Variants in ATP8A1 observed in about 807,000 individuals in gnomAD.
ATP8A1 encodes phospholipid-transporting ATPase IA.
In ATP8A1, 90 loss-of-function variants were observed where a neutral mutation model predicts 177.7. That is an observed-to-expected ratio of 0.51 (90% CI 0.43 to 0.60). The LOEUF is 0.60. Ranked by LOEUF, ATP8A1 falls within the 20% of genes least tolerant of loss-of-function variation. The pLI is 0.00. For missense variants in ATP8A1, 1,072 were observed against 1,392.8 expected (o/e 0.77, Z 3.67); for synonymous variants, 493 against 485.9 (o/e 1.01, Z -0.19).
intron 33 of ATP8A1, among the ~76,000 whole-genome samples, chr4:42,424,196 T>G (rs1002719447): frequency 1.3e-5 from 2 of 151,990 alleles, no homozygotes; most frequent in Non-Finnish European, 2.9e-5. Flanking sequence ...AAAAGCCAAA[T>G]AAAAGTGTAT....
chr4:42,430,305 T>TC (rs142925269), intron 33 of ATP8A1, among the ~76,000 whole-genome samples: 33,128 of 151,942 alleles, frequency 0.22, 3,687 homozygotes, highest in Middle Eastern at 0.24. Flanking sequence ...TCCTGCCTGT[T>TC]CCCTGTACAT....
intron 23 of ATP8A1, among the ~76,000 whole-genome samples, chr4:42,505,612 T>TA (rs1296941152): frequency 6.6e-6 from 1 of 152,210 alleles, no homozygotes; most frequent in East Asian, 1.9e-4. Flanking sequence ...TACTAGTTTT[T>TA]AAAAAATAAA....
chr4:42,479,553 C>T (rs566378960), intron 25 of ATP8A1, among the ~76,000 whole-genome samples: 51 of 152,196 alleles, frequency 3.4e-4, no homozygotes, highest in South Asian at 1.7e-3. Context: ...GTCAGAGAAC[C>T]GTAAGCAATC....
chr4:42,568,339 G>A (rs551389526), intron 15 of ATP8A1, among the ~76,000 whole-genome samples: 6 of 152,114 alleles, frequency 3.9e-5, no homozygotes, highest in South Asian at 4.1e-4. Flanking sequence ...ATGTGGCTTC[G>A]TCACCAAATA....
chr4:42,508,331 G>A (rs1322745657), intron 22 of ATP8A1, among the ~76,000 whole-genome samples: 1 of 152,126 alleles, frequency 6.6e-6, no homozygotes, highest in Admixed American at 6.5e-5. Context: ...CACCATGTTA[G>A]CCAGGCTGGT....
intron 15 of ATP8A1, among the ~76,000 whole-genome samples, chr4:42,566,905 A>G (rs1731402519): frequency 6.6e-6 from 1 of 152,242 alleles, no homozygotes; most frequent in Admixed American, 6.5e-5. Context: ...TGAGAGCACC[A>G]GAACTAACAC....
At position 42,578,255 on chromosome 4, in the gene ATP8A1, T is replaced by C. The variant is rs1432068822; in HGVS notation, c.1128+5A>G. The C allele has an allele frequency of 2.5e-6, 4 of 1,589,826 alleles. No individual in the cohort carries two copies. The highest frequency in any genetic ancestry group is 2.3e-5 in the East Asian group (1 of 44,068). ...AGGGTGATAACAATCATAATTCATA[T>C]TTACCCAATTTATGAAGTATGCCTG... is the stretch of plus-strand genomic sequence containing the variant. On this transcript the variant is annotated splice_donor_5th_base_variant and intron_variant, in intron 12 of 36. Coordinates refer to ENST00000381668, the MANE Select transcript of ATP8A1 (RefSeq NM_006095.2).
At chr4:42,581,191 T>C (rs1208120798) in intron 10 of ATP8A1, among the ~76,000 whole-genome samples, 1 of 152,088 alleles carries the variant, frequency 6.6e-6, no homozygotes, top group Non-Finnish European at 1.5e-5. Flanking sequence ...TGGAGTACAG[T>C]GGCGCGATCT....
At chr4:42,587,310 C>CT (rs991848308) in intron 8 of ATP8A1, among the ~76,000 whole-genome samples, 1,452 of 137,382 alleles carry the variant, frequency 0.011, 8 homozygotes, top group East Asian at 0.024. Flanking sequence ...CTTTTCTTTT[C>CT]TTTTTTTTTT....
Position 42,600,535 on chromosome 4 carries a change from T to A in ATP8A1, c.410-17A>T. ...TTCTCAAAACTGGAAAGAGAAAAGG[T>A]GACATTTTAAACAACATGTTTTACT... On this transcript the variant is annotated splice_polypyrimidine_tract_variant and intron_variant, in intron 5 of 36. Transcript: ENST00000381668. The A allele has an allele frequency of 6.2e-7, 1 of 1,607,504 alleles. No homozygotes were observed. The highest frequency in any genetic ancestry group is 8.5e-7 in the Non-Finnish European group (1 of 1,177,596).
At chr4:42,565,224 T>C (rs927453662) in intron 15 of ATP8A1, among the ~76,000 whole-genome samples, 1 of 152,216 alleles carries the variant, frequency 6.6e-6, no homozygotes, top group Non-Finnish European at 1.5e-5. Flanking sequence ...TAAAGGCAAT[T>C]ACAAAAGAGG....
Position 42,574,605 on chromosome 4 carries a change from A to C in ATP8A1, c.1295+14T>G. On this transcript the variant is annotated intron_variant, in intron 14 of 36. Transcript: ENST00000381668. ...AGCATGTATTTCATATCCTAATTAA[A>C]GGAAAAAACTCACCCATAAGCAACT... is the stretch of plus-strand genomic sequence containing the variant. 4 of 1,597,596 alleles carry C rather than the reference A, an allele frequency of 2.5e-6. No individual in the cohort carries two copies. Among genetic ancestry groups the C allele is most frequent in the Non-Finnish European group, 3.4e-6 (4 of 1,170,004 alleles).
chr4:42,435,040 T>C (rs929659131), intron 33 of ATP8A1, among the ~76,000 whole-genome samples: 3 of 152,248 alleles, frequency 2.0e-5, no homozygotes, highest in African/African-American at 7.2e-5. Context: ...GGATGATGCA[T>C]GCTAGGGAGC....
intron 1 of ATP8A1, among the ~76,000 whole-genome samples, chr4:42,628,535 C>T (rs1240079962): frequency 6.6e-6 from 1 of 152,134 alleles, no homozygotes; most frequent in African/African-American, 2.4e-5. Flanking sequence ...GTGAGAGGCA[C>T]ATTGTATCCT....
chr4:42,604,252 G>A (rs953279547), intron 5 of ATP8A1, among the ~76,000 whole-genome samples: 1 of 152,142 alleles, frequency 6.6e-6, no homozygotes, highest in African/African-American at 2.4e-5. Context: ...AAATCTAAAT[G>A]AGCTCCGTGC....
At chr4:42,507,881 T>G (rs1724614958) in intron 22 of ATP8A1, among the ~76,000 whole-genome samples, 1 of 148,378 alleles carries the variant, frequency 6.7e-6, no homozygotes, top group South Asian at 2.1e-4. Flanking sequence ...ACAGTGAGGT[T>G]ACATGTTAAC....
chr4:42,635,422 A>T (rs1202374330), intron 1 of ATP8A1, among the ~76,000 whole-genome samples: 1 of 152,080 alleles, frequency 6.6e-6, no homozygotes, highest in Non-Finnish European at 1.5e-5. Flanking sequence ...GGTTTCCAAT[A>T]TTAGGCATTA....
intron 33 of ATP8A1, among the ~76,000 whole-genome samples, chr4:42,442,282 AG>A (rs1716717629): frequency 6.6e-6 from 1 of 152,244 alleles, no homozygotes. Flanking sequence ...CCTAAGGGAA[AG>A]GCAGGTCCAA....
rs1577884838 is a variant in ATP8A1, at chr4:42,414,833, G to A, written c.3306-115C>T. On this transcript the variant is annotated intron_variant, in intron 35 of 36. Coordinates refer to ENST00000381668, the MANE Select transcript of ATP8A1 (RefSeq NM_006095.2). ...AAACAAAAGATTGCTCGAGAAATCC[G>A]TAGCCTAGTGATTCTTTTTACACAT... 1.2e-5 allele frequency: 9 copies of A among 749,740 alleles called. 1 individual carries two copies. The East Asian group carries it at 1.8e-4, about 15-fold the overall frequency. 46.4% of individuals were successfully genotyped at this position (749,740 alleles called of 1,614,324 possible).
Sources: gnomAD v4.1 joint callset for allele counts (sites outside exome capture counted in the v4.1 genomes callset) on GRCh38, gnomAD v4.1.1 for gene constraint, MANE v1.5 for transcripts, NCBI Gene and HGNC (gene_info 2026-07-23, HGNC 2026-07-21) for gene names.